Variants in SNX4 observed in about 807,000 individuals in gnomAD.
The protein encoded by SNX4 is sorting nexin-4.
Under a neutral mutation model 70.8 loss-of-function variants are expected in SNX4, and 49 were observed. That is an observed-to-expected ratio of 0.69 (90% CI 0.55 to 0.88). The LOEUF is 0.88. Among genes scored for constraint, SNX4 ranks in the 40% least tolerant of loss-of-function variants. The pLI, the probability that SNX4 is intolerant of heterozygous loss-of-function variation, is 0.00. For missense variants in SNX4, 528 were observed against 544.8 expected, an observed-to-expected ratio of 0.97 and a Z score of 0.31; for synonymous variants, 206 against 183.8, an observed-to-expected ratio of 1.12 and a Z score of -0.98.
chr3:125,512,411 A>T (rs1559826882), intron 1 of SNX4, among the ~76,000 whole-genome samples: 1 of 152,216 alleles, frequency 6.6e-6, no homozygotes, highest in Non-Finnish European at 1.5e-5. Flanking sequence ...AAAAGATAAA[A>T]GCATAAAATC....
chr3:125,475,186 T>C (rs1329765233), intron 8 of SNX4, among the ~76,000 whole-genome samples: 1 of 152,202 alleles, frequency 6.6e-6, no homozygotes, highest in Non-Finnish European at 1.5e-5. Context: ...TTTTAATGTA[T>C]TGATCAACCA....
chr3:125,482,010 A>G (rs1201021178), intron 6 of SNX4, among the ~76,000 whole-genome samples: 1 of 152,084 alleles, frequency 6.6e-6, no homozygotes, highest in East Asian at 1.9e-4. Context: ...CTGAGACTAC[A>G]TATGGGCATC....
intron 9 of SNX4, among the ~76,000 whole-genome samples, chr3:125,463,264 G>GA (rs1487772934): frequency 6.6e-6 from 1 of 152,116 alleles, no homozygotes; most frequent in African/African-American, 2.4e-5. Context: ...TATGTGACTG[G>GA]AAAAAAGTCT....
chr3:125,506,276 A>G (rs1935040732), intron 1 of SNX4, among the ~76,000 whole-genome samples: 2 of 152,112 alleles, frequency 1.3e-5, no homozygotes, highest in African/African-American at 4.8e-5. Flanking sequence ...ATACATCAAC[A>G]GAAACTGCTC....
At chr3:125,506,817 TAAAAAAAAAAAAAAAAAAAAAAAA>T (rs71148182) in intron 1 of SNX4, among the ~76,000 whole-genome samples, 5 of 26,834 alleles carry the variant, frequency 1.9e-4, no homozygotes, top group African/African-American at 3.9e-4. Flanking sequence ...GTGGAGAAAG[TAAAAAAAAAAAAAAAAAAAAAAAA>T]AAAAAAAAAA....
intron 1 of SNX4, among the ~76,000 whole-genome samples, chr3:125,506,232 A>G (rs991980422): frequency 1.3e-5 from 2 of 152,236 alleles, no homozygotes; most frequent in African/African-American, 4.8e-5. Context: ...GCATATAAAG[A>G]AACAGGGTGG....
At position 125,460,808 on chromosome 3, in the gene SNX4, G is replaced by C; in HGVS notation, c.907C>G (p.Gln303Glu). Residue 303 changes from glutamine (Q) to glutamate (E), a missense_variant, in exon 10 of 14, where the codon CAG becomes GAG. By Grantham distance (29) the Gln-to-Glu change is conservative. Transcript: ENST00000251775. ...GCATAAAAAAGATACTCTTTTAACT[G>C]ATCTGCATAATGTTCTTCATCTTCC... ...ILEDEEHYAD[Q>E]LKEYLFYAEA... 6.4e-7 allele frequency: 1 copy of C among 1,566,102 alleles called. No homozygotes were observed. The highest frequency in any genetic ancestry group is 8.6e-7 in the Non-Finnish European group (1 of 1,156,166).
intron 11 of SNX4, among the ~76,000 whole-genome samples, chr3:125,454,982 G>A (rs1933672831): frequency 1.3e-5 from 2 of 151,744 alleles, no homozygotes; most frequent in African/African-American, 4.8e-5. Context: ...AGGCTAGAAT[G>A]TAATGGCACA....
intron 11 of SNX4, 59 bp downstream of exon 11, chr3:125,457,207 T>C: frequency 8.3e-7 from 1 of 1,205,222 alleles, no homozygotes; most frequent in South Asian, 1.2e-5. Context: ...GAGTGAGTGC[T>C]TGTGAGGAAC....
chr3:125,457,808 C>A (rs9843422), intron 10 of SNX4, among the ~76,000 whole-genome samples: 1 of 151,760 alleles, frequency 6.6e-6, no homozygotes, highest in African/African-American at 2.4e-5. Context: ...AACTGCTGAC[C>A]TGAGGTGACC....
intron 1 of SNX4, among the ~76,000 whole-genome samples, chr3:125,515,371 A>G (rs950701149): frequency 1.3e-5 from 2 of 151,386 alleles, no homozygotes; most frequent in Non-Finnish European, 2.9e-5. Context: ...ATATATATAT[A>G]TATTTTTGGG....
Position 125,520,062 on chromosome 3 carries a change from C to T in SNX4, c.111G>A (p.Gly37=), listed in dbSNP as rs775847110. The stretch of plus-strand genomic sequence containing the variant: ...CGACCCCAGAGCTCTCTTCTCCGGC[C>T]CCCTCCGCTTCCTTGCCGACCGCAG... ...LGAAVGKEAE[G]AGEESSGVDT... Residue 37 remains glycine (G), a synonymous_variant, in exon 1 of 14, where the codon GGG becomes GGA. Coordinates refer to ENST00000251775, the MANE Select transcript of SNX4 (RefSeq NM_003794.4). The T allele has an allele frequency of 1.3e-5, 20 of 1,558,252 alleles. No individual in the cohort carries two copies. The African/African-American group carries it at 2.4e-4, about 19-fold the overall frequency.
intron 8 of SNX4, among the ~76,000 whole-genome samples, chr3:125,475,732 T>C (rs972999232): frequency 8.1e-4 from 123 of 152,298 alleles, no homozygotes; most frequent in African/African-American, 2.7e-3. Flanking sequence ...ATCCTAGCAC[T>C]ATGGGGGGCC....
chr3:125,492,063 G>GC (rs1222691817), intron 5 of SNX4, among the ~76,000 whole-genome samples: 8 of 135,300 alleles, frequency 5.9e-5, no homozygotes, highest in African/African-American at 2.3e-4. Flanking sequence ...AGCCGAGATC[G>GC]CGCCACCGCA....
intron 12 of SNX4, 109 bp downstream of exon 12, chr3:125,453,701 G>C (rs927889553): frequency 1.9e-6 from 2 of 1,036,144 alleles, no homozygotes; most frequent in African/African-American, 3.3e-5. Flanking sequence ...CTGTATTCAG[G>C]GATGCCAATG....
intron 2 of SNX4, among the ~76,000 whole-genome samples, chr3:125,499,776 A>C (rs34400934): frequency 4.9e-5 from 6 of 123,408 alleles, no homozygotes; most frequent in Non-Finnish European, 1.1e-4. Flanking sequence ...AAAAAAAAAA[A>C]AAAAAAACGC....
intron 13 of SNX4, chr3:125,449,141 G>C (rs539261243): frequency 6.6e-6 from 1 of 151,412 alleles, no homozygotes; most frequent in Non-Finnish European, 1.5e-5. Context: ...AGAAGGTCTC[G>C]GGCCAGGTGC....
At chr3:125,500,341 G>C (rs541021769) in intron 2 of SNX4, among the ~76,000 whole-genome samples, 1 of 152,146 alleles carries the variant, frequency 6.6e-6, no homozygotes, top group South Asian at 2.1e-4. Flanking sequence ...TTCTAAAAGA[G>C]ACATATATTT....
chr3:125,516,463 T>C (rs908664019), intron 1 of SNX4, among the ~76,000 whole-genome samples: 2 of 152,226 alleles, frequency 1.3e-5, no homozygotes, highest in Non-Finnish European at 2.9e-5. Context: ...AAGAGTCTTG[T>C]GACTCTTTGG....
Sources: gnomAD v4.1 joint callset for allele counts (sites outside exome capture counted in the v4.1 genomes callset) on GRCh38, gnomAD v4.1.1 for gene constraint, MANE v1.5 for transcripts, NCBI Gene and HGNC (gene_info 2026-07-23, HGNC 2026-07-21) for gene names.